SMS: variants seen among roughly 807,000 people sequenced by gnomAD.
The protein encoded by SMS is spermine synthase.
A neutral mutation model predicts 33.0 loss-of-function variants in SMS; 3 were observed. The ratio of observed to expected loss-of-function variants is 0.09; its 90% CI spans 0.04 to 0.23. The LOEUF (loss-of-function observed/expected upper bound fraction) is 0.23, where lower values mean the gene tolerates loss of function less well. SMS is among the 10% of genes least tolerant of loss of function. SMS has a pLI of 1.00. For missense variants in SMS, 117 were observed against 288.6 expected (o/e 0.41, Z 4.31); for synonymous variants, 103 against 112.2 (o/e 0.92, Z 0.52).
intron 2 of SMS, among the ~76,000 whole-genome samples, chrX:21,970,906 A>T (rs1924104030): frequency 9.0e-6 from 1 of 111,064 alleles, no homozygotes; most frequent in Non-Finnish European, 1.9e-5. Context: ...CAAAACAAAT[A>T]CATGCATAGG....
At chrX:21,981,271 G>A (rs111265166) in intron 7 of SMS, among the ~76,000 whole-genome samples, 12,788 of 109,037 alleles carry the variant, frequency 0.12, 1,078 homozygotes, top group African/African-American at 0.29. Flanking sequence ...AGTGAGCCAA[G>A]ATTGCACCAC....
At chrX:21,944,522 C>CAAAAAAAAAAAAAA (rs777680386) in intron 1 of SMS, among the ~76,000 whole-genome samples, 12 of 34,694 alleles carry the variant, frequency 3.5e-4, no homozygotes, top group African/African-American at 6.0e-4. Flanking sequence ...CCTGTCTCTA[C>CAAAAAAAAAAAAAA]AAAAAAAAAA....
At chrX:21,977,861 T>G (rs1189019043) in intron 5 of SMS, 99 bp from the exon 6 acceptor site, 15 of 870,840 alleles carry the variant, frequency 1.7e-5, no homozygotes, top group Non-Finnish European at 2.5e-5. Context: ...AAATGAAAAA[T>G]TTACATTTTG....
chrX:21,958,600 A>G (rs1044046299), intron 1 of SMS, among the ~76,000 whole-genome samples: 1 of 112,651 alleles, frequency 8.9e-6, no homozygotes, highest in Non-Finnish European at 1.9e-5. Context: ...CCCCTTAGCC[A>G]TCACCCTTAT....
At chrX:21,993,379 CAGAA>C (rs1925883670) in intron 10 of SMS, among the ~76,000 whole-genome samples, 1 of 112,597 alleles carries the variant, frequency 8.9e-6, no homozygotes, top group African/African-American at 3.2e-5. Context: ...AAGTAAAACA[CAGAA>C]AGAAAAAAGG....
chrX:21,947,534 C>T, intron 1 of SMS, among the ~76,000 whole-genome samples: 1 of 112,036 alleles, frequency 8.9e-6, no homozygotes, highest in Non-Finnish European at 1.9e-5. Context: ...AACCAGTCAG[C>T]CTAGTCAGTC....
chrX:21,965,990 G>A (rs1044255093), intron 1 of SMS, among the ~76,000 whole-genome samples: 7 of 111,263 alleles, frequency 6.3e-5, no homozygotes, highest in African/African-American at 2.3e-4. Context: ...GCCAGAATAA[G>A]TCATATCTGT....
chrX:21,967,286 A>G lies in SMS; in HGVS notation c.140A>G (p.Tyr47Cys), dbSNP rs765876946. Residue 47 changes from tyrosine (Y) to cysteine (C), a missense_variant, in exon 2 of 11, where the codon TAT (tyrosine) becomes TGT (cysteine). Around this residue, in one of 3 missense-constraint regions of SMS, gnomAD observed 23 missense variants for 60.5 expected, o/e 0.38. Transcript: ENST00000404933. The stretch of plus-strand genomic sequence containing the variant: ...GTGCACACCTGGCAGGACCATGGCT[A>G]TTTAGCAACCTACACAAACAAGAAC... Reference protein sequence around the residue: ...ESVHTWQDHGYLATYTNKNGS... With the variant: ...ESVHTWQDHGCLATYTNKNGS... 2 of 1,209,052 alleles carry G rather than the reference A, an allele frequency of 1.7e-6. No individual in the cohort carries two copies. The highest frequency in any genetic ancestry group is 2.3e-4 in the Middle Eastern group (1 of 4,324).
intron 9 of SMS, among the ~76,000 whole-genome samples, chrX:21,990,707 A>G (rs1013706578): frequency 1.2e-4 from 14 of 112,613 alleles, no homozygotes; most frequent in African/African-American, 4.2e-4. Flanking sequence ...CTATAAAGAG[A>G]GAGTGTGGTG....
chrX:21,952,170 G>A (rs910892586), intron 1 of SMS, among the ~76,000 whole-genome samples: 2 of 111,704 alleles, frequency 1.8e-5, no homozygotes, highest in Admixed American at 1.9e-4. Flanking sequence ...GCAGCTGTGA[G>A]AACAGACATC....
At chrX:21,944,522 C>CAAAAAAAAAA (rs777680386) in intron 1 of SMS, among the ~76,000 whole-genome samples, 27 of 34,674 alleles carry the variant, frequency 7.8e-4, no homozygotes, top group East Asian at 1.0e-3. Context: ...CCTGTCTCTA[C>CAAAAAAAAAA]AAAAAAAAAA....
At chrX:21,968,568 T>C (rs746384084) in intron 2 of SMS, among the ~76,000 whole-genome samples, 6 of 112,022 alleles carry the variant, frequency 5.4e-5, no homozygotes, top group Non-Finnish European at 7.5e-5. Context: ...GGGATGCTGA[T>C]GCTGCTGGAC....
chrX:21,985,740 A>G (rs192126948), intron 9 of SMS, among the ~76,000 whole-genome samples: 18 of 112,132 alleles, frequency 1.6e-4, no homozygotes, highest in African/African-American at 5.2e-4. Context: ...TAAGATAAGC[A>G]CTTATGTAGC....
At chrX:21,941,788 G>A (rs1157073022) in intron 1 of SMS, among the ~76,000 whole-genome samples, 1 of 104,389 alleles carries the variant, frequency 9.6e-6, no homozygotes, top group Non-Finnish European at 2.0e-5. Context: ...GGGAGGCTGA[G>A]GCAGGACAAT....
intron 1 of SMS, among the ~76,000 whole-genome samples, chrX:21,962,508 T>C (rs954396704): frequency 1.4e-4 from 16 of 110,994 alleles, no homozygotes; most frequent in Non-Finnish European, 2.8e-4. Flanking sequence ...TTGTGTTGGG[T>C]GATTTAGATT....
intron 5 of SMS, among the ~76,000 whole-genome samples, chrX:21,977,714 A>G (rs1034856931): frequency 1.2e-4 from 14 of 112,228 alleles, no homozygotes; most frequent in Non-Finnish European, 2.4e-4. Flanking sequence ...TATTCGGTAT[A>G]TTGACACATT....
chrX:21,965,186 TA>T (rs1419879699), intron 1 of SMS, among the ~76,000 whole-genome samples: 4 of 112,156 alleles, frequency 3.6e-5, no homozygotes, highest in Non-Finnish European at 7.5e-5. Flanking sequence ...TTAACTTAAT[TA>T]CATCTACAAA....
chrX:21,956,254 CTG>C (rs1468547165), intron 1 of SMS, among the ~76,000 whole-genome samples: 1 of 111,348 alleles, frequency 9.0e-6, no homozygotes, highest in African/African-American at 3.3e-5. Flanking sequence ...TTGCTCTTCT[CTG>C]TGAACATCAG....
rs1466334476 is a variant in SMS at position 21,971,971 on chromosome X, G to T, written c.245G>T (p.Gly82Val). ...CAGAGTTATGATGGTGATGCGCAAG[G>T]CAAAGAAGAGATCGACAGTGTCGGT... The part of the protein sequence containing the change: ...DLQSYDGDAQ[G>V]KEEIDSILNK... The change falls in exon 3 of 11, where the codon GGC (glycine) becomes GTC (valine). Residue 82 changes from glycine to valine, a missense_variant. Physicochemically the swap from Gly to Val is moderately radical, Grantham distance 109. Transcript: ENST00000404933. 6.7e-6 allele frequency: 8 copies of T among 1,187,610 alleles called. No individual in the cohort carries two copies. Among genetic ancestry groups the T allele is most frequent in the Non-Finnish European group, 9.1e-6 (8 of 874,907 alleles).
Sources: gnomAD v4.1 joint callset for allele counts (sites outside exome capture counted in the v4.1 genomes callset) on GRCh38, gnomAD v4.1.1 for gene constraint, gnomAD v4.1.1 regional missense constraint, MANE v1.5 for transcripts, NCBI Gene and HGNC (gene_info 2026-07-23, HGNC 2026-07-21) for gene names.